The following PCDH19 variants were observed in gnomAD, a reference collection of about 807,000 sequenced individuals.
The protein encoded by PCDH19 is protocadherin-19.
A neutral mutation model predicts 46.2 loss-of-function variants in PCDH19; 6 were observed. That is an observed-to-expected ratio of 0.13 (90% CI 0.07 to 0.26). The LOEUF (loss-of-function observed/expected upper bound fraction) is 0.26, where lower values mean the gene tolerates loss of function less well. PCDH19 is among the 10% of genes least tolerant of loss of function. The probability of loss-of-function intolerance (pLI) is 1.00; values close to 1 mark genes in which losing one functional copy is unlikely to be tolerated. For missense variants in PCDH19, 740 were observed against 972.3 expected (o/e 0.76, Z 3.18); for synonymous variants, 481 against 415.7 (o/e 1.16, Z -1.91).
intron 3 of PCDH19, among the ~76,000 whole-genome samples, chrX:100,398,735 G>T (rs1339648954): frequency 8.9e-6 from 1 of 112,124 alleles, no homozygotes; most frequent in Non-Finnish European, 1.9e-5. Context: ...TTGCTGACTT[G>T]ATCTAATGCC....
intron 5 of PCDH19, among the ~76,000 whole-genome samples, chrX:100,298,842 T>C (rs1048731493): frequency 9.0e-6 from 1 of 111,579 alleles, no homozygotes; most frequent in African/African-American, 3.3e-5. Context: ...AGTTAGTTGA[T>C]CTACTTTTAA....
Position 100,409,444 on chromosome X carries a change from G to A in PCDH19, c.-847C>T, listed in dbSNP as rs1406966461. Reference sequence around the variant, plus strand: ...GTGGGAGCGGAGTTCCCCCCACAGAGCAGTTGAGGGTCTGCGGGCGTTTTC... The same window carrying A: ...GTGGGAGCGGAGTTCCCCCCACAGAACAGTTGAGGGTCTGCGGGCGTTTTC... On this transcript the variant is annotated 5_prime_UTR_variant, in exon 1 of 6. Coordinates refer to ENST00000373034, the MANE Select transcript of PCDH19 (RefSeq NM_001184880.2). 1 of 115,409 alleles carries A rather than the reference G, an allele frequency of 8.7e-6. No individual in the cohort carries two copies. The highest frequency in any genetic ancestry group is 1.8e-5 in the Non-Finnish European group (1 of 55,540). The allele number at this position is 115,409 out of a possible 1,213,427, so 9.5% of individuals were successfully genotyped here.
chrX:100,367,809 CGGA>C (rs1482192838), intron 3 of PCDH19, among the ~76,000 whole-genome samples: 1 of 111,222 alleles, frequency 9.0e-6, no homozygotes, highest in Non-Finnish European at 1.9e-5. Context: ...CATGGGAGCA[CGGA>C]GGAGAGAGCA....
intron 3 of PCDH19, among the ~76,000 whole-genome samples, chrX:100,352,158 T>C (rs754025374): frequency 3.2e-4 from 36 of 112,428 alleles, no homozygotes; most frequent in Middle Eastern, 9.1e-3. Flanking sequence ...TTTTTAATGC[T>C]ATTGGAAGCA....
chrX:100,385,661 G>A (rs916620090), intron 3 of PCDH19, among the ~76,000 whole-genome samples: 2 of 111,912 alleles, frequency 1.8e-5, no homozygotes, highest in East Asian at 2.8e-4. Flanking sequence ...TTGGGAGGCC[G>A]AGGCAGGCGG....
intron 5 of PCDH19, among the ~76,000 whole-genome samples, chrX:100,304,918 G>T (rs1172553682): frequency 8.9e-6 from 1 of 112,216 alleles, no homozygotes; most frequent in Non-Finnish European, 1.9e-5. Flanking sequence ...CAAGAAGTTT[G>T]GGACTATGTT....
intron 4 of PCDH19, among the ~76,000 whole-genome samples, chrX:100,345,532 G>A (rs1261074019): frequency 9.0e-6 from 1 of 111,588 alleles, no homozygotes; most frequent in Non-Finnish European, 1.9e-5. Context: ...GGATGCCAGG[G>A]ATGTCTACCT....
In PCDH19 at chrX:100,406,732, G is replaced by C; in HGVS notation, c.1866C>G (p.Gly622=). The change falls in exon 1 of 6, where the codon GGC becomes GGG. Residue 622 remains glycine (G), a synonymous_variant. Coordinates refer to ENST00000373034, the MANE Select transcript of PCDH19 (RefSeq NM_001184880.2). ...CGAAGGTGCGGGTGGTTCTGACTTC[G>C]CCATTGACCTGGTCTATTTCAAAGA... ...RGFFEIDQVN[G]EVRTTRTFGE... is the part of the protein sequence containing the mutation. 8.3e-7 allele frequency: 1 copy of C among 1,211,478 alleles called. No individual in the cohort carries two copies. The highest frequency in any genetic ancestry group is 1.1e-6 in the Non-Finnish European group (1 of 895,415).
At chrX:100,321,850 C>T (rs1398603425) in intron 5 of PCDH19, among the ~76,000 whole-genome samples, 3 of 94,691 alleles carry the variant, frequency 3.2e-5, no homozygotes, top group South Asian at 5.4e-4. Flanking sequence ...AGTACAGTGG[C>T]GCGATCTCGG....
Position 100,408,656 on chromosome X carries a change from C to T in PCDH19, c.-59G>A, listed in dbSNP as rs1453273611. On this transcript the variant is annotated 5_prime_UTR_variant, in exon 1 of 6. Transcript: ENST00000373034. ...CACACCCCTCCGAGACCGACGCCGT[C>T]GGCGCTCCAGCTTCCCGCCGGCTCG... The T allele has an allele frequency of 1.7e-5, 17 of 1,001,254 alleles. No homozygotes were observed. Among genetic ancestry groups the T allele is most frequent in the Non-Finnish European group, 2.3e-5 (17 of 735,879 alleles). The allele number at this position is 1,001,254 out of a possible 1,213,427, so 82.5% of individuals were successfully genotyped here. A position where few individuals can be genotyped will look rare whatever the true frequency, so the allele number is the denominator to read the frequency against.
At chrX:100,322,865 A>ATTTT (rs57520956) in intron 5 of PCDH19, among the ~76,000 whole-genome samples, 555 of 54,396 alleles carry the variant, frequency 0.01, 16 homozygotes, top group Non-Finnish European at 0.016. Flanking sequence ...ATATATATAT[A>ATTTT]TTTTTGCAGC....
At chrX:100,377,389 G>T (rs1295824094) in intron 3 of PCDH19, among the ~76,000 whole-genome samples, 1 of 112,095 alleles carries the variant, frequency 8.9e-6, no homozygotes, top group Non-Finnish European at 1.9e-5. Context: ...TCTAGGAAAA[G>T]AGTAAAACCA....
chrX:100,396,184 G>A (rs1429860998), intron 3 of PCDH19, among the ~76,000 whole-genome samples: 2 of 112,092 alleles, frequency 1.8e-5, no homozygotes, highest in Non-Finnish European at 3.8e-5. Flanking sequence ...CGAGGCAGAC[G>A]CCTAAGAGCC....
chrX:100,298,220 A>G (rs1376574624), intron 5 of PCDH19, among the ~76,000 whole-genome samples: 1 of 111,241 alleles, frequency 9.0e-6, no homozygotes, highest in African/African-American at 3.3e-5. Context: ...TGCCTCATTC[A>G]TCAAAGGTTC....
chrX:100,314,940 C>G (rs1279371657), intron 5 of PCDH19, among the ~76,000 whole-genome samples: 2 of 112,038 alleles, frequency 1.8e-5, no homozygotes, highest in Non-Finnish European at 3.8e-5. Flanking sequence ...TCACTTAGTT[C>G]TATAAGACCT....
At chrX:100,297,177 A>G (rs1297932597) in intron 5 of PCDH19, among the ~76,000 whole-genome samples, 1 of 111,529 alleles carries the variant, frequency 9.0e-6, no homozygotes, top group Non-Finnish European at 1.9e-5. Flanking sequence ...CAAGGTGCTG[A>G]GAGTCAGCAT....
chrX:100,371,026 G>T lies in PCDH19; in HGVS notation c.2617-20322C>A, dbSNP rs6620874. 6.4e-3 allele frequency among the ~76,000 whole-genome samples: 495 copies of T among 77,857 alleles called. 2 individuals are homozygous for T. Among genetic ancestry groups the T allele is most frequent in the African/African-American group, 0.021 (452 of 21,766 alleles). 67.6% of individuals were successfully genotyped at this position (77,857 alleles called of 115,157 possible). A position where few individuals can be genotyped will look rare whatever the true frequency, so the allele number is the denominator to read the frequency against. On this transcript the variant is annotated intron_variant, in intron 3 of 5. Transcript: ENST00000373034. ...GTGTGTGTGTGTGTGTGTGTGTGTG[G>T]GTGTGTGTGTATGCATGTGTTTAAA...
rs1456062431 is a variant in PCDH19 at position 100,296,185 on chromosome X, C to A, written c.*92G>T. ...GGAAAAGCTCTGAAATATAGCCACT[C>A]AAGAACCAACCATTGGTGAGCAATT... On this transcript the variant is annotated 3_prime_UTR_variant, in exon 6 of 6. Transcript: ENST00000373034. 3 of 712,525 alleles carry A rather than the reference C, an allele frequency of 4.2e-6. No homozygotes were observed. The highest frequency in any genetic ancestry group is 2.1e-5 in the South Asian group (1 of 46,994). The allele number at this position is 712,525 out of a possible 1,213,427, so 58.7% of individuals were successfully genotyped here.
intron 5 of PCDH19, among the ~76,000 whole-genome samples, chrX:100,308,780 G>T (rs944758780): frequency 2.7e-5 from 3 of 111,593 alleles, no homozygotes; most frequent in African/African-American, 9.8e-5. Context: ...ATGAAAAAAT[G>T]CTCAACATCA....
Sources: allele counts gnomAD v4.1 joint callset (sites outside exome capture counted in the v4.1 genomes callset), GRCh38; gene constraint gnomAD v4.1.1; transcripts MANE v1.5; gene names NCBI Gene and HGNC (gene_info 2026-07-23, HGNC 2026-07-21).